BMERB1: variants seen among roughly 807,000 people sequenced by gnomAD.
BMERB1 encodes bMERB domain-containing protein 1.
In BMERB1, 12 loss-of-function variants were observed where a neutral mutation model predicts 23.6. That is an observed-to-expected ratio of 0.51 (90% CI 0.33 to 0.82). BMERB1 has a LOEUF of 0.82. BMERB1 is among the 40% of genes least tolerant of loss of function. The probability of loss-of-function intolerance (pLI) is 0.03; values close to 1 mark genes in which losing one functional copy is unlikely to be tolerated. For synonymous variants in BMERB1, 122 were observed against 96.6 expected, an observed-to-expected ratio of 1.26 and a Z score of -1.54; for missense variants, 247 against 255.4, an observed-to-expected ratio of 0.97 and a Z score of 0.22.
intron 1 of BMERB1, among the ~76,000 whole-genome samples, chr16:15,455,998 A>C (rs1004835046): frequency 2.6e-5 from 4 of 152,180 alleles, no homozygotes; most frequent in African/African-American, 9.6e-5. Flanking sequence ...AAGGGAGTGA[A>C]GTAATTTGGT....
In BMERB1 at chr16:15,586,896, T is replaced by A; in HGVS notation, c.*67T>A. ...CCCTCTTGTCTTTATAGCCCCCATT[T>A]CACCGGGGCCCAAGAGCTCTCCAAG... On this transcript the variant is annotated 3_prime_UTR_variant, in exon 6 of 6. Transcript: ENST00000300006. The A allele has an allele frequency of 9.5e-7, 1 of 1,055,812 alleles. No homozygotes were observed. Among genetic ancestry groups the A allele is most frequent in the Non-Finnish European group, 1.4e-6 (1 of 727,888 alleles). The allele number at this position is 1,055,812 out of a possible 1,614,324, so 65.4% of individuals were successfully genotyped here.
chr16:15,553,502 C>T (rs1049754808), intron 2 of BMERB1, among the ~76,000 whole-genome samples: 3 of 152,208 alleles, frequency 2.0e-5, no homozygotes, highest in Non-Finnish European at 4.4e-5. Context: ...ACAGAGTGTA[C>T]AGTCTCTGTC....
intron 1 of BMERB1, among the ~76,000 whole-genome samples, chr16:15,465,298 C>G (rs2051171164): frequency 6.6e-6 from 1 of 151,836 alleles, no homozygotes; most frequent in South Asian, 2.1e-4. Context: ...AAAACCGACC[C>G]CAAACACTGA....
At chr16:15,579,249 G>A (rs746336976) in intron 3 of BMERB1, among the ~76,000 whole-genome samples, 11 of 152,166 alleles carry the variant, frequency 7.2e-5, no homozygotes, top group Admixed American at 1.3e-4. Flanking sequence ...CTGGTGAGTC[G>A]ATGGGTGTTG....
intron 2 of BMERB1, among the ~76,000 whole-genome samples, chr16:15,530,800 TCCTGCCGCCTGGTGAAGAGGAA>T (rs1164554671): frequency 6.6e-6 from 1 of 152,102 alleles, no homozygotes; most frequent in Non-Finnish European, 1.5e-5. Context: ...TCATTCTCTC[TCCTGCCGCCTGGTGAAGAGGAA>T]CCTTCTGCCA....
At chr16:15,570,536 G>A (rs1275142693) in intron 3 of BMERB1, among the ~76,000 whole-genome samples, 2 of 152,076 alleles carry the variant, frequency 1.3e-5, no homozygotes, top group Non-Finnish European at 2.9e-5. Flanking sequence ...TTAGCACAAC[G>A]TACCTCTCCG....
rs149158668 is a variant in BMERB1 at position 15,528,728 on chromosome 16, T to G, written c.230+13300T>G. On this transcript the variant is annotated intron_variant, in intron 2 of 5. Coordinates refer to ENST00000300006, the MANE Select transcript of BMERB1 (RefSeq NM_033201.3). ...ACCCCCCTCTCCTTCCCTGGTGCTA[T>G]GATCTGAATGTTTGTATCACCCCTA... Among the ~76,000 whole-genome samples the G allele has an allele frequency of 2.6e-5, 4 of 152,124 alleles. No individual in the cohort carries two copies. The East Asian group carries it at 7.8e-4, about 30-fold the overall frequency.
At chr16:15,447,620 A>T (rs1186348862) in intron 1 of BMERB1, among the ~76,000 whole-genome samples, 1 of 152,158 alleles carries the variant, frequency 6.6e-6, no homozygotes, top group African/African-American at 2.4e-5. Flanking sequence ...ATAGAAGAGG[A>T]TGTGAAGTGG....
intron 1 of BMERB1, among the ~76,000 whole-genome samples, chr16:15,508,971 A>G (rs901569134): frequency 1.5e-4 from 23 of 152,120 alleles, no homozygotes; most frequent in Admixed American, 1.2e-3. Flanking sequence ...CTTGGGGAAG[A>G]AAAACATCCT....
intron 1 of BMERB1, among the ~76,000 whole-genome samples, chr16:15,453,930 G>T (rs78720749): frequency 5.3e-5 from 8 of 151,968 alleles, no homozygotes; most frequent in Admixed American, 1.3e-4. Context: ...AATAACCACT[G>T]AGAGCATCCC....
chr16:15,587,486 G>A lies in BMERB1; in HGVS notation c.*657G>A. 2.3e-6 allele frequency: 1 copy of A among 428,534 alleles called. No homozygotes were observed. Among genetic ancestry groups the A allele is most frequent in the South Asian group, 1.6e-5 (1 of 61,806 alleles). 26.5% of individuals were successfully genotyped at this position (428,534 alleles called of 1,614,324 possible). ...AGTTCACATCAGGACAGCGTCCATT[G>A]TGCTCTCAGTCTGCCTCAGGTGTGT... On this transcript the variant is annotated 3_prime_UTR_variant, in exon 6 of 6. Coordinates refer to ENST00000300006, the MANE Select transcript of BMERB1 (RefSeq NM_033201.3).
chr16:15,584,073 C>T, intron 5 of BMERB1: 1 of 701,952 alleles, frequency 1.4e-6, no homozygotes, highest in Non-Finnish European at 2.6e-6. Context: ...ATCCTCAGAG[C>T]AAAGAGGGTT....
In BMERB1 at chr16:15,557,543, C is replaced by T. The variant is rs2030297783; in HGVS notation, c.231-10440C>T. On this transcript the variant is annotated intron_variant, in intron 2 of 5. Coordinates refer to ENST00000300006, the MANE Select transcript of BMERB1 (RefSeq NM_033201.3). ...GATCCAATACACATTAAAAATGCAC[C>T]TATCCACACATATGTATCTGTGAAA... Among the ~76,000 whole-genome samples the T allele has an allele frequency of 2.0e-5, 3 of 152,200 alleles. No homozygotes were observed. In the South Asian group the frequency reaches 6.2e-4, roughly 32 times the overall value.
At chr16:15,457,997 C>T (rs1393059671) in intron 1 of BMERB1, among the ~76,000 whole-genome samples, 2 of 152,180 alleles carry the variant, frequency 1.3e-5, no homozygotes, top group African/African-American at 4.8e-5. Flanking sequence ...AATTCACTCA[C>T]TATCACGAGA....
chr16:15,508,239 G>A (rs1230104459), intron 1 of BMERB1, among the ~76,000 whole-genome samples: 2 of 152,112 alleles, frequency 1.3e-5, no homozygotes, highest in African/African-American at 4.8e-5. Flanking sequence ...AGTTATTATC[G>A]TTACTGGGTA....
chr16:15,578,242 T>C (rs927241506), intron 3 of BMERB1, among the ~76,000 whole-genome samples: 2 of 151,452 alleles, frequency 1.3e-5, no homozygotes, highest in African/African-American at 4.9e-5. Flanking sequence ...TTTTTTTTTT[T>C]TCTAAAAGAC....
At chr16:15,557,060 G>T (rs111400983) in intron 2 of BMERB1, among the ~76,000 whole-genome samples, 1,642 of 152,268 alleles carry the variant, frequency 0.011, 34 homozygotes, top group African/African-American at 0.037. Context: ...AGCTGCTGAT[G>T]CCTCCATTTC....
intron 2 of BMERB1, among the ~76,000 whole-genome samples, chr16:15,528,748 C>A (rs2051935574): frequency 6.6e-6 from 1 of 152,026 alleles, no homozygotes; most frequent in Non-Finnish European, 1.5e-5. Flanking sequence ...GTTTGTATCA[C>A]CCCTAAATAC....
intron 2 of BMERB1, among the ~76,000 whole-genome samples, chr16:15,546,767 C>T (rs1261046323): frequency 6.6e-6 from 1 of 152,086 alleles, no homozygotes; most frequent in Non-Finnish European, 1.5e-5. Context: ...GGGTGATTAC[C>T]CTTATCTTGT....
Sources: allele counts gnomAD v4.1 joint callset (sites outside exome capture counted in the v4.1 genomes callset), GRCh38; gene constraint gnomAD v4.1.1; transcripts MANE v1.5; gene names NCBI Gene and HGNC (gene_info 2026-07-23, HGNC 2026-07-21).